The following KIAA0825 variants were observed in gnomAD, a reference collection of about 807,000 sequenced individuals.
The protein encoded by KIAA0825 is KIAA0825.
Under a neutral mutation model 147.6 loss-of-function variants are expected in KIAA0825, and 119 were observed. The ratio of observed to expected loss-of-function variants is 0.81; its 90% CI spans 0.69 to 0.94. KIAA0825 has a LOEUF of 0.94. KIAA0825 is among the 40% of genes least tolerant of loss of function. KIAA0825 has a pLI of 0.00. For missense variants in KIAA0825, 1,381 were observed against 1,472.7 expected (o/e 0.94, Z 1.02); for synonymous variants, 470 against 518.1 (o/e 0.91, Z 1.26).
chr5:94,397,937 C>G (rs527902041), intron 16 of KIAA0825, among the ~76,000 whole-genome samples: 12 of 151,782 alleles, frequency 7.9e-5, no homozygotes, highest in Non-Finnish European at 1.8e-4. Context: ...CTAGCTTGGC[C>G]CTTCTCTCTC....
chr5:94,249,966 T>A (rs1583962023), intron 20 of KIAA0825, among the ~76,000 whole-genome samples: 1 of 152,224 alleles, frequency 6.6e-6, no homozygotes, highest in East Asian at 1.9e-4. Flanking sequence ...TAAATACGTT[T>A]TTGATGAATA....
intron 1 of KIAA0825, among the ~76,000 whole-genome samples, chr5:94,616,418 T>C (rs1344956988): frequency 1.3e-5 from 2 of 152,180 alleles, no homozygotes; most frequent in Non-Finnish European, 2.9e-5. Flanking sequence ...ATAATCCCCA[T>C]CTGTTTGAGG....
intron 2 of KIAA0825, among the ~76,000 whole-genome samples, chr5:94,550,583 C>T (rs1021934097): frequency 1.3e-5 from 2 of 152,212 alleles, no homozygotes; most frequent in Non-Finnish European, 2.9e-5. Context: ...TAGCTCACAC[C>T]TGTAATCCCA....
At chr5:94,219,761 T>C (rs984824565) in intron 20 of KIAA0825, among the ~76,000 whole-genome samples, 1 of 152,096 alleles carries the variant, frequency 6.6e-6, no homozygotes, top group Admixed American at 6.6e-5. Context: ...AAATATCATA[T>C]GAAAGATAAT....
At chr5:94,406,442 A>G (rs1042767081) in intron 15 of KIAA0825, among the ~76,000 whole-genome samples, 4 of 152,210 alleles carry the variant, frequency 2.6e-5, no homozygotes, top group African/African-American at 9.6e-5. Context: ...AAAATTTTAG[A>G]ATTAGAAAGC....
chr5:94,180,537 G>A (rs1769518362), intron 20 of KIAA0825, among the ~76,000 whole-genome samples: 1 of 151,940 alleles, frequency 6.6e-6, no homozygotes, highest in Admixed American at 6.6e-5. Context: ...AATATTCTTT[G>A]GTTACATAAG....
intron 20 of KIAA0825, among the ~76,000 whole-genome samples, chr5:94,343,569 G>T (rs1231979672): frequency 6.6e-6 from 1 of 151,980 alleles, no homozygotes; most frequent in East Asian, 1.9e-4. Flanking sequence ...GGCGCCTGTA[G>T]TCCCAGCTAC....
chr5:94,615,734 A>T (rs770979283), intron 1 of KIAA0825: 1 of 151,904 alleles, frequency 6.6e-6, no homozygotes. Context: ...ATAAATATTT[A>T]TTTATGTGGT....
chr5:94,447,684 G>C (rs997744297), intron 13 of KIAA0825, among the ~76,000 whole-genome samples: 4 of 152,032 alleles, frequency 2.6e-5, no homozygotes, highest in African/African-American at 7.2e-5. Context: ...TAAATAAAAG[G>C]AAAGACCCAC....
intron 2 of KIAA0825, 29 bp from the exon 3 acceptor site, chr5:94,537,156 TG>T: frequency 6.3e-7 from 1 of 1,577,664 alleles, no homozygotes; most frequent in Non-Finnish European, 8.6e-7. Context: ...TAATAAAACA[TG>T]TCAGTTCCCC....
intron 1 of KIAA0825, among the ~76,000 whole-genome samples, chr5:94,606,790 G>T (rs1364162800): frequency 6.6e-6 from 1 of 152,148 alleles, no homozygotes; most frequent in Admixed American, 6.5e-5. Context: ...GGGGCTCGTG[G>T]TTCTGCAGGC....
At chr5:94,342,043 G>T (rs529778617) in intron 20 of KIAA0825, among the ~76,000 whole-genome samples, 2 of 151,768 alleles carry the variant, frequency 1.3e-5, no homozygotes, top group African/African-American at 4.8e-5. Flanking sequence ...AATACAAAAA[G>T]AAGTTAGCCG....
chr5:94,322,504 C>G (rs1780286447), intron 20 of KIAA0825, among the ~76,000 whole-genome samples: 1 of 151,776 alleles, frequency 6.6e-6, no homozygotes, highest in African/African-American at 2.4e-5. Flanking sequence ...TTAGATTGTT[C>G]AACACTCTGC....
In KIAA0825 at chr5:94,223,581, T is replaced by C. The variant is rs537915045; in HGVS notation, c.3711-69457A>G. On this transcript the variant is annotated intron_variant, in intron 20 of 20. Transcript: ENST00000682413. ...CTTGACAAACGTTTTCCAAGTGACATGAATATATTAAACTCCACTTACAAA... is the reference window on the plus strand; with the variant it reads ...CTTGACAAACGTTTTCCAAGTGACACGAATATATTAAACTCCACTTACAAA... Among the ~76,000 whole-genome samples the C allele has an allele frequency of 6.0e-4, 91 of 152,344 alleles. 1 individual carries two copies. The highest frequency in any genetic ancestry group is 3.4e-3 in the Middle Eastern group (1 of 294).
intron 3 of KIAA0825, among the ~76,000 whole-genome samples, chr5:94,535,274 C>T (rs1256081136): frequency 1.3e-5 from 2 of 151,946 alleles, no homozygotes; most frequent in Non-Finnish European, 2.9e-5. Context: ...CTTTGGGAGG[C>T]TGAGGCGGGT....
chr5:94,524,636 A>C (rs1562593242), intron 3 of KIAA0825, among the ~76,000 whole-genome samples: 1 of 151,758 alleles, frequency 6.6e-6, no homozygotes, highest in Non-Finnish European at 1.5e-5. Flanking sequence ...ACTCCACTAC[A>C]AAAAACAGAA....
intron 20 of KIAA0825, among the ~76,000 whole-genome samples, chr5:94,235,370 A>G (rs1026473699): frequency 3.9e-5 from 6 of 152,262 alleles, no homozygotes; most frequent in African/African-American, 1.4e-4. Context: ...CCTTAAACCA[A>G]ATCTTAATCC....
intron 14 of KIAA0825, among the ~76,000 whole-genome samples, chr5:94,427,722 A>G (rs1013048948): frequency 6.6e-6 from 1 of 152,026 alleles, no homozygotes; most frequent in Non-Finnish European, 1.5e-5. Context: ...TTCTGCCTTG[A>G]TGATATGTCT....
intron 5 of KIAA0825, among the ~76,000 whole-genome samples, chr5:94,486,716 G>A (rs1274193128): frequency 2.0e-5 from 3 of 152,054 alleles, no homozygotes; most frequent in Non-Finnish European, 2.9e-5. Flanking sequence ...GAAATATTAT[G>A]CCCCAAAATG....
Sources: gnomAD v4.1 joint callset for allele counts (sites outside exome capture counted in the v4.1 genomes callset) on GRCh38, gnomAD v4.1.1 for gene constraint, MANE v1.5 for transcripts, NCBI Gene and HGNC (gene_info 2026-07-23, HGNC 2026-07-21) for gene names.